MAN2A1: variants seen among roughly 807,000 people sequenced by gnomAD.
MAN2A1 encodes the protein mannosidase alpha class 2A member 1.
MAN2A1 carries 76 observed loss-of-function variants against 142.6 expected under a neutral mutation model. The ratio of observed to expected loss-of-function variants is 0.53; its 90% CI spans 0.44 to 0.65. The LOEUF (loss-of-function observed/expected upper bound fraction) is 0.65, where lower values mean the gene tolerates loss of function less well. Among genes scored for constraint, MAN2A1 ranks in the 30% least tolerant of loss-of-function variants. The pLI, the probability that MAN2A1 is intolerant of heterozygous loss-of-function variation, is 0.00. For synonymous variants in MAN2A1, 559 were observed against 473.2 expected, an observed-to-expected ratio of 1.18 and a Z score of -2.35; for missense variants, 1,311 against 1,365.1, an observed-to-expected ratio of 0.96 and a Z score of 0.62.
intron 16 of MAN2A1, among the ~76,000 whole-genome samples, chr5:109,832,985 C>A (rs1754960549): frequency 6.6e-6 from 1 of 151,832 alleles, no homozygotes; most frequent in Non-Finnish European, 1.5e-5. Flanking sequence ...CTCCTCAGTT[C>A]CCAGATGGGG....
chr5:109,755,890 G>T (rs1363766236), intron 5 of MAN2A1, among the ~76,000 whole-genome samples: 2 of 152,030 alleles, frequency 1.3e-5, no homozygotes, highest in African/African-American at 2.4e-5. Flanking sequence ...ATGTTGTCTG[G>T]GCACTGTATC....
intron 1 of MAN2A1, among the ~76,000 whole-genome samples, chr5:109,712,584 T>C (rs1322608725): frequency 6.6e-6 from 1 of 152,148 alleles, no homozygotes; most frequent in Middle Eastern, 3.2e-3. Flanking sequence ...GTATCCAGAG[T>C]TGTTTGTTCA....
chr5:109,781,250 T>C, intron 8 of MAN2A1, 146 bp from the exon 9 acceptor site: 1 of 525,838 alleles, frequency 1.9e-6, no homozygotes. Flanking sequence ...TCTTCCCTGC[T>C]TCTGATTTTT....
chr5:109,770,048 G>C (rs1245318946), intron 6 of MAN2A1, among the ~76,000 whole-genome samples: 1 of 152,196 alleles, frequency 6.6e-6, no homozygotes, highest in Admixed American at 6.5e-5. Flanking sequence ...GGATGAGCCA[G>C]CTGTAACTTT....
intron 4 of MAN2A1, among the ~76,000 whole-genome samples, chr5:109,747,097 C>T (rs1225279357): frequency 6.6e-6 from 1 of 152,168 alleles, no homozygotes; most frequent in Non-Finnish European, 1.5e-5. Context: ...GTTTTGGCCA[C>T]TGTGAATAAT....
rs561272357 is a variant in MAN2A1 at position 109,735,209 on chromosome 5, G to C, written c.707+5696G>C. Among the ~76,000 whole-genome samples, 104 of 148,516 alleles carry C rather than the reference G, an allele frequency of 7.0e-4. 1 individual carries two copies. Among genetic ancestry groups the C allele is most frequent in the South Asian group, 2.3e-3 (11 of 4,694 alleles). ...AGGATTGCAACCCCTGCCTTTTTTT[G>C]TTTTCCATTTGCTTGGTAGATCTTC... On this transcript the variant is annotated intron_variant, in intron 4 of 21. Coordinates refer to ENST00000261483, the MANE Select transcript of MAN2A1 (RefSeq NM_002372.4).
intron 4 of MAN2A1, among the ~76,000 whole-genome samples, chr5:109,737,580 C>T (rs914402897): frequency 2.6e-5 from 4 of 151,776 alleles, no homozygotes; most frequent in East Asian, 1.9e-4. Context: ...TTTTTATCTT[C>T]GTACAGTCAG....
chr5:109,839,775 A>G (rs897685105), intron 16 of MAN2A1, among the ~76,000 whole-genome samples: 2 of 151,886 alleles, frequency 1.3e-5, no homozygotes, highest in Non-Finnish European at 1.5e-5. Flanking sequence ...AGAGCAGTAT[A>G]TACCGGAAAG....
chr5:109,839,703 T>C (rs1195868994), intron 16 of MAN2A1, among the ~76,000 whole-genome samples: 2 of 150,104 alleles, frequency 1.3e-5, no homozygotes, highest in African/African-American at 4.9e-5. Flanking sequence ...CCCATGGAGA[T>C]GGTACTCATA....
intron 4 of MAN2A1, among the ~76,000 whole-genome samples, chr5:109,734,086 C>T (rs1470339239): frequency 6.6e-6 from 1 of 152,036 alleles, no homozygotes; most frequent in South Asian, 2.1e-4. Context: ...CTGGTTTAGT[C>T]TTGGGAGGGT....
At chr5:109,793,354 ATTATTTCT>A (rs1434653189) in intron 12 of MAN2A1, among the ~76,000 whole-genome samples, 20 of 152,276 alleles carry the variant, frequency 1.3e-4, no homozygotes, top group South Asian at 2.1e-4. Flanking sequence ...GAGAGTAGGA[ATTATTTCT>A]TTATTTCTAG....
chr5:109,805,323 T>G (rs888573552), intron 12 of MAN2A1, among the ~76,000 whole-genome samples: 9 of 152,226 alleles, frequency 5.9e-5, no homozygotes, highest in African/African-American at 1.9e-4. Flanking sequence ...GTTGTAAAAT[T>G]TTTCAATCTT....
rs1053839209 is a variant in MAN2A1 at position 109,817,648 on chromosome 5, G to T, written c.2109+210G>T. ...CCCTAAAATGTTAATTTCTTTGTTA[G>T]TATATATATTGTATCTTATTATATG... is the stretch of plus-strand genomic sequence containing the variant. On this transcript the variant is annotated intron_variant, in intron 13 of 21. Transcript: ENST00000261483. 2.0e-5 allele frequency among the ~76,000 whole-genome samples: 3 copies of T among 152,018 alleles called. No individual in the cohort carries two copies. In the East Asian group the frequency reaches 5.8e-4, roughly 29 times the overall value.
At chr5:109,732,750 G>A (rs1413054387) in intron 4 of MAN2A1, among the ~76,000 whole-genome samples, 2 of 152,142 alleles carry the variant, frequency 1.3e-5, no homozygotes, top group African/African-American at 4.8e-5. Context: ...GTCCCATGCT[G>A]TTTTGGTTAC....
At chr5:109,859,373 T>C (rs925903437) in intron 20 of MAN2A1, among the ~76,000 whole-genome samples, 3 of 152,236 alleles carry the variant, frequency 2.0e-5, no homozygotes, top group Admixed American at 1.3e-4. Flanking sequence ...TTTATATCAA[T>C]TTTTGGAAAA....
intron 16 of MAN2A1, among the ~76,000 whole-genome samples, chr5:109,836,109 ATTG>A (rs909341743): frequency 8.1e-5 from 12 of 148,350 alleles, no homozygotes; most frequent in Non-Finnish European, 6.0e-5. Context: ...AATAATAATT[ATTG>A]TTATTATTAT....
In MAN2A1 at chr5:109,840,755, G is replaced by A. The variant is rs145445591; in HGVS notation, c.2567-1573G>A. The A allele has an allele frequency of 3.5e-3, 1,198 of 337,870 alleles. 17 individuals carry two copies. The highest frequency in any genetic ancestry group is 0.025 in the African/African-American group (1,126 of 44,886). 20.9% of individuals were successfully genotyped at this position (337,870 alleles called of 1,614,324 possible). A position where few individuals can be genotyped will look rare whatever the true frequency, so the allele number is the denominator to read the frequency against. Reference sequence around the variant, plus strand: ...TGGAAGGGAAACTGCCTGCTATGGCGTGCCCTGCCCCAGCCAAATACTGGG... The same window carrying A: ...TGGAAGGGAAACTGCCTGCTATGGCATGCCCTGCCCCAGCCAAATACTGGG... On this transcript the variant is annotated intron_variant, in intron 16 of 21. Transcript: ENST00000261483.
chr5:109,691,414 TTGTGTAG>T (rs1398256650), intron 1 of MAN2A1, among the ~76,000 whole-genome samples: 1 of 152,306 alleles, frequency 6.6e-6, no homozygotes, highest in African/African-American at 2.4e-5. Flanking sequence ...AAACTGGGTA[TTGTGTAG>T]TGTGTAGTGT....
intron 11 of MAN2A1, 46 bp downstream of exon 11, chr5:109,789,094 T>G: frequency 1.1e-6 from 1 of 932,736 alleles, no homozygotes; most frequent in Non-Finnish European, 1.7e-6. Flanking sequence ...GTAATTCCAT[T>G]GTTCTTGCAT....
Sources: allele counts gnomAD v4.1 joint callset (sites outside exome capture counted in the v4.1 genomes callset), GRCh38; gene constraint gnomAD v4.1.1; transcripts MANE v1.5; gene names NCBI Gene and HGNC (gene_info 2026-07-23, HGNC 2026-07-21).